Variants in AGBL1 observed in about 807,000 individuals in gnomAD.
The protein encoded by AGBL1 is cytosolic carboxypeptidase 4.
A neutral mutation model predicts 118.9 loss-of-function variants in AGBL1; 130 were observed. That is an observed-to-expected ratio of 1.09 (90% CI 0.95 to 1.26). The LOEUF (loss-of-function observed/expected upper bound fraction) is 1.26. Ranked by LOEUF, AGBL1 falls within the 50% of genes most tolerant of loss-of-function variation. The probability of loss-of-function intolerance (pLI) is 0.00; values close to 1 mark genes in which losing one functional copy is unlikely to be tolerated. For missense variants in AGBL1, 1,584 were observed against 1,298.1 expected (o/e 1.22, Z -3.38); for synonymous variants, 555 against 478.9 (o/e 1.16, Z -2.08).
At position 86,420,199 on chromosome 15, in the gene AGBL1, C is replaced by A. The variant is rs1256312833; in HGVS notation, c.2555+22653C>A. Among the ~76,000 whole-genome samples the A allele has an allele frequency of 1.3e-5, 2 of 152,188 alleles. 1 individual carries two copies. Among genetic ancestry groups the A allele is most frequent in the Middle Eastern group, 6.3e-3 (2 of 316 alleles). ...ACATCTCCTAGCAGGGGTCGACAGA[C>A]ACCTCACACAGGAGAGCTTCGGCTG... is the stretch of plus-strand genomic sequence containing the variant. On this transcript the variant is annotated intron_variant, in intron 18 of 22. Coordinates refer to ENST00000614907, the MANE Select transcript of AGBL1 (RefSeq NM_001386094.1).
intron 17 of AGBL1, among the ~76,000 whole-genome samples, chr15:86,342,134 T>A (rs1054261385): frequency 6.6e-6 from 1 of 152,204 alleles, no homozygotes; most frequent in Non-Finnish European, 1.5e-5. Flanking sequence ...TCTCCGCTTG[T>A]TATCTAACAT....
chr15:86,899,744 C>T (rs1423587240), intron 22 of AGBL1, among the ~76,000 whole-genome samples: 1 of 152,152 alleles, frequency 6.6e-6, no homozygotes, highest in African/African-American at 2.4e-5. Flanking sequence ...CCTAGCCAGG[C>T]ACACTGTGCT....
chr15:86,476,512 A>G (rs1357377676), intron 18 of AGBL1, among the ~76,000 whole-genome samples: 1 of 152,202 alleles, frequency 6.6e-6, no homozygotes, highest in Non-Finnish European at 1.5e-5. Context: ...AAAGGGATCA[A>G]TTCAACAAGA....
chr15:86,900,783 G>A (rs1385711854), intron 22 of AGBL1, among the ~76,000 whole-genome samples: 1 of 151,924 alleles, frequency 6.6e-6, no homozygotes, highest in Admixed American at 6.6e-5. Flanking sequence ...GAAAGATTGT[G>A]TCTTCTTTAA....
chr15:86,224,415 GC>G (rs1476524780), intron 5 of AGBL1, among the ~76,000 whole-genome samples: 4 of 152,150 alleles, frequency 2.6e-5, no homozygotes, highest in Non-Finnish European at 5.9e-5. Context: ...TAAGGAAACA[GC>G]CTCTCTTTGC....
At chr15:86,317,351 G>A (rs2080028891) in intron 17 of AGBL1, among the ~76,000 whole-genome samples, 1 of 152,120 alleles carries the variant, frequency 6.6e-6, no homozygotes, top group Admixed American at 6.6e-5. Flanking sequence ...TATCCTATCC[G>A]CACAGAGATT....
chr15:86,637,093 G>A (rs142315896), intron 21 of AGBL1, among the ~76,000 whole-genome samples: 1,565 of 152,102 alleles, frequency 0.01, 11 homozygotes, highest in Middle Eastern at 0.027. Flanking sequence ...TCATTTATTC[G>A]ATGACAGAGG....
At chr15:86,132,685 CATT>C (rs1244608699) in intron 1 of AGBL1, among the ~76,000 whole-genome samples, 2 of 152,154 alleles carry the variant, frequency 1.3e-5, no homozygotes, top group Non-Finnish European at 2.9e-5. Context: ...TGATTGCTAG[CATT>C]ATTATGATGA....
At chr15:86,868,877 T>G (rs2079678634) in intron 22 of AGBL1, among the ~76,000 whole-genome samples, 1 of 152,270 alleles carries the variant, frequency 6.6e-6, no homozygotes, top group East Asian at 1.9e-4. Flanking sequence ...AAAAATAGAA[T>G]AGAAACAACG....
At chr15:86,833,519 C>T (rs1440147033) in intron 22 of AGBL1, among the ~76,000 whole-genome samples, 1 of 152,034 alleles carries the variant, frequency 6.6e-6, no homozygotes, top group African/African-American at 2.4e-5. Context: ...TGCCTTTTGC[C>T]TCCAGTCATG....
chr15:86,167,880 A>T (rs1344347746), intron 5 of AGBL1, among the ~76,000 whole-genome samples: 1 of 152,238 alleles, frequency 6.6e-6, no homozygotes, highest in Non-Finnish European at 1.5e-5. Flanking sequence ...TTAGCTCTCT[A>T]TGTGATCATT....
At chr15:86,159,129 C>A in intron 5 of AGBL1, 103 bp downstream of exon 5, 3 of 1,068,536 alleles carry the variant, frequency 2.8e-6, no homozygotes, top group Admixed American at 1.8e-5. Flanking sequence ...GTTTAGTGGT[C>A]ATTTCTCCTT....
chr15:86,146,455 C>A (rs1328263806), intron 3 of AGBL1, among the ~76,000 whole-genome samples: 1 of 152,134 alleles, frequency 6.6e-6, no homozygotes, highest in African/African-American at 2.4e-5. Flanking sequence ...CTGTGGGAAT[C>A]CTGGAACCAA....
chr15:86,164,293 C>T (rs2077307157), intron 5 of AGBL1, among the ~76,000 whole-genome samples: 1 of 152,166 alleles, frequency 6.6e-6, no homozygotes, highest in Admixed American at 6.5e-5. Context: ...GGAAATGACA[C>T]TGGGCCAGAG....
chr15:86,728,547 G>C (rs1297103599), intron 22 of AGBL1, among the ~76,000 whole-genome samples: 1 of 152,102 alleles, frequency 6.6e-6, no homozygotes, highest in Non-Finnish European at 1.5e-5. Flanking sequence ...TCAGAGCCTT[G>C]TGGAGCCATA....
At chr15:86,264,895 G>C in intron 11 of AGBL1, 57 bp downstream of exon 11, 1 of 1,416,838 alleles carries the variant, frequency 7.1e-7, no homozygotes, top group Non-Finnish European at 9.6e-7. Flanking sequence ...AATTTTATAA[G>C]TAAAATGGTT....
chr15:86,995,637 G>A (rs750644937), intron 24 of AGBL1, among the ~76,000 whole-genome samples: 27 of 152,100 alleles, frequency 1.8e-4, no homozygotes, highest in Non-Finnish European at 1.5e-4. Context: ...TAGAAAATTC[G>A]CCTGACCTGA....
intron 17 of AGBL1, among the ~76,000 whole-genome samples, chr15:86,384,815 C>T (rs1050309444): frequency 6.6e-6 from 1 of 151,978 alleles, no homozygotes; most frequent in Non-Finnish European, 1.5e-5. Flanking sequence ...GCGAGATTAC[C>T]CTTTGCAAAG....
At chr15:87,021,663 A>G (rs896383334) in intron 24 of AGBL1, among the ~76,000 whole-genome samples, 2 of 152,086 alleles carry the variant, frequency 1.3e-5, no homozygotes, top group African/African-American at 2.4e-5. Context: ...AAAACATACA[A>G]CCCCATTAAA....
Sources: gnomAD v4.1 joint callset for allele counts (sites outside exome capture counted in the v4.1 genomes callset) on GRCh38, gnomAD v4.1.1 for gene constraint, MANE v1.5 for transcripts, NCBI Gene and HGNC (gene_info 2026-07-23, HGNC 2026-07-21) for gene names.